TSPEAR: variants seen among roughly 807,000 people sequenced by gnomAD.
TSPEAR encodes the protein thrombospondin type laminin G domain and EAR repeats.
Under a neutral mutation model 71.6 loss-of-function variants are expected in TSPEAR, and 69 were observed. That is an observed-to-expected ratio of 0.96 (90% CI 0.79 to 1.18). The LOEUF (loss-of-function observed/expected upper bound fraction) is 1.18. TSPEAR is among the 50% of genes most tolerant of loss of function. The pLI is 0.00. For missense variants in TSPEAR, 971 were observed against 894.9 expected (o/e 1.09, Z -1.09); for synonymous variants, 402 against 387.2 (o/e 1.04, Z -0.45).
chr21:44,628,076 G>A, intron 1 of TSPEAR: 1 of 1,594,268 alleles, frequency 6.3e-7, no homozygotes, highest in Non-Finnish European at 8.6e-7. Flanking sequence ...GGGCCAGCCG[G>A]GCTCAGGCCC....
intron 1 of TSPEAR, chr21:44,678,149 G>A: frequency 1.7e-6 from 1 of 575,960 alleles, no homozygotes; most frequent in Non-Finnish European, 3.1e-6. Flanking sequence ...AGTAAGTGGA[G>A]GCATGTGTAC....
At chr21:44,657,951 C>G (rs1555942863) in intron 1 of TSPEAR, 2 of 1,604,072 alleles carry the variant, frequency 1.2e-6, no homozygotes, top group Admixed American at 3.3e-5. Flanking sequence ...CCATCCTCCT[C>G]CCCAGTACCA....
chr21:44,672,366 T>G lies in TSPEAR; in HGVS notation c.82+39067A>C, dbSNP rs11088957. Among the ~76,000 whole-genome samples the G allele has an allele frequency of 2.4e-3, 362 of 152,066 alleles. 4 individuals carry two copies. Among genetic ancestry groups the G allele is most frequent in the African/African-American group, 8.1e-3 (337 of 41,504 alleles). On this transcript the variant is annotated intron_variant, in intron 1 of 11. Transcript: ENST00000323084. Reference sequence around the variant, plus strand: ...CGGGCGGATCACAAGGTCAGGAGATTGAGACCATCCTGGCTAACACGGTGA... The same window carrying G: ...CGGGCGGATCACAAGGTCAGGAGATGGAGACCATCCTGGCTAACACGGTGA...
intron 2 of TSPEAR, chr21:44,539,834 T>TTGCA (rs782484016): frequency 6.3e-7 from 1 of 1,575,168 alleles, no homozygotes; most frequent in East Asian, 2.3e-5. Context: ...GCACACAGGC[T>TTGCA]TGCAGCAGAC....
At chr21:44,650,146 G>T (rs1385945514) in intron 1 of TSPEAR, among the ~76,000 whole-genome samples, 4 of 151,960 alleles carry the variant, frequency 2.6e-5, no homozygotes, top group African/African-American at 9.7e-5. Context: ...AGCCTGGGAG[G>T]TCAAGGCTGC....
chr21:44,588,635 A>G (rs1452294043), intron 1 of TSPEAR, among the ~76,000 whole-genome samples: 1 of 150,174 alleles, frequency 6.7e-6, no homozygotes, highest in South Asian at 2.1e-4. Flanking sequence ...CCAAATTCCC[A>G]TCAATCAACG....
chr21:44,500,526 A>T (rs1323443552), intron 11 of TSPEAR, among the ~76,000 whole-genome samples: 1 of 152,256 alleles, frequency 6.6e-6, no homozygotes, highest in Non-Finnish European at 1.5e-5. Flanking sequence ...AGTTGTTTAC[A>T]TTTAATATTA....
chr21:44,654,142 C>T, intron 1 of TSPEAR: 3 of 695,576 alleles, frequency 4.3e-6, no homozygotes, highest in Admixed American at 2.6e-5. Context: ...AGTGACGGTG[C>T]CGCAAAGGAG....
At chr21:44,657,532 A>G (rs1257276368) in intron 1 of TSPEAR, among the ~76,000 whole-genome samples, 1 of 152,270 alleles carries the variant, frequency 6.6e-6, no homozygotes, top group Non-Finnish European at 1.5e-5. Context: ...AATGTGGCTC[A>G]CAGACGATAG....
Position 44,612,294 on chromosome 21 carries a change from G to C in TSPEAR, c.83-44289C>G. 1 of 1,613,520 alleles carries C rather than the reference G, an allele frequency of 6.2e-7. No individual in the cohort carries two copies. The highest frequency in any genetic ancestry group is 8.5e-7 in the Non-Finnish European group (1 of 1,179,992). ...GCCTCCAGCTGCTGTACCCCTAGCT[G>C]CTGTGCCCCAGCCCCCTGCCTGGCC... On this transcript the variant is annotated intron_variant, in intron 1 of 11. Transcript: ENST00000323084. This position sits in a 1 kb window ranked among gnomAD's most constrained non-coding sequence, Gnocchi z 4.1.
At chr21:44,513,869 T>C (rs28410320) in intron 9 of TSPEAR, among the ~76,000 whole-genome samples, 16,283 of 152,180 alleles carry the variant, frequency 0.11, 2,845 homozygotes, top group African/African-American at 0.37. Flanking sequence ...GCATCCTCTC[T>C]GAGGGTAGCC....
At chr21:44,519,929 C>G (rs1017731458) in intron 9 of TSPEAR, 1 of 152,372 alleles carries the variant, frequency 6.6e-6, no homozygotes, top group African/African-American at 2.4e-5. Context: ...CTACCACCAC[C>G]TACCTCCTGA....
chr21:44,502,022 G>A (rs1555911157), intron 11 of TSPEAR, among the ~76,000 whole-genome samples: 1 of 152,176 alleles, frequency 6.6e-6, no homozygotes, highest in Non-Finnish European at 1.5e-5. Flanking sequence ...AAAGCTTAAA[G>A]ACAGGCAATT....
At chr21:44,590,323 G>C (rs587648629) in intron 1 of TSPEAR, among the ~76,000 whole-genome samples, 1 of 151,334 alleles carries the variant, frequency 6.6e-6, no homozygotes, top group East Asian at 2.0e-4. Flanking sequence ...GTGGCAGACA[G>C]AGCTGAGGGC....
rs529234851 is a variant in TSPEAR at position 44,687,228 on chromosome 21, G to A, written c.82+24205C>T. The stretch of plus-strand genomic sequence containing the variant: ...ACTGAGGCGGTGTGACAGGGAGGTA[G>A]ATTTCAGCTCAGCAGGAGGAAGGGT... On this transcript the variant is annotated intron_variant, in intron 1 of 11. Transcript: ENST00000323084. The surrounding 1 kb of genome is among the most constrained non-coding windows in gnomAD (Gnocchi z 4.4). 8.5e-5 allele frequency among the ~76,000 whole-genome samples: 13 copies of A among 152,292 alleles called. No individual in the cohort carries two copies. The highest frequency in any genetic ancestry group is 2.9e-4 in the African/African-American group (12 of 41,550).
At chr21:44,666,886 T>G (rs1177112905) in intron 1 of TSPEAR, 2 of 1,612,732 alleles carry the variant, frequency 1.2e-6, no homozygotes, top group African/African-American at 2.7e-5. Context: ...GTATGACACA[T>G]GGTGGCGTGT....
chr21:44,600,833 C>A (rs782792430), intron 1 of TSPEAR: 1 of 1,587,910 alleles, frequency 6.3e-7, no homozygotes, highest in African/African-American at 1.5e-5. Flanking sequence ...TGCCGAGTGA[C>A]CTGTGAGCCC....
intron 10 of TSPEAR, 74 bp downstream of exon 10, chr21:44,509,125 G>T: frequency 6.6e-7 from 1 of 1,510,802 alleles, no homozygotes. Context: ...GTGAGGATGA[G>T]CCTAACGGGG....
chr21:44,557,969 TCAGA>T (rs1446023391), intron 2 of TSPEAR: 7 of 1,505,330 alleles, frequency 4.7e-6, no homozygotes, highest in Non-Finnish European at 5.4e-6. Context: ...CAGAGGAGAC[TCAGA>T]CAGGGCTCAG....
Sources: gnomAD v4.1 joint callset for allele counts (sites outside exome capture counted in the v4.1 genomes callset) on GRCh38, gnomAD v4.1.1 for gene constraint, Gnocchi (gnomAD v3.1) non-coding constraint, MANE v1.5 for transcripts, NCBI Gene and HGNC (gene_info 2026-07-23, HGNC 2026-07-21) for gene names.